The following CLUAP1 variants were observed in gnomAD, a reference collection of about 807,000 sequenced individuals.
CLUAP1 encodes clusterin-associated protein 1.
In CLUAP1, 50 loss-of-function variants were observed where a neutral mutation model predicts 55.0. That is an observed-to-expected ratio of 0.91 (90% CI 0.72 to 1.15). The LOEUF (loss-of-function observed/expected upper bound fraction) is 1.15. Ranked by LOEUF, CLUAP1 falls within the 50% of genes most tolerant of loss-of-function variation. The pLI is 0.00. For missense variants in CLUAP1, 530 were observed against 507.6 expected, an observed-to-expected ratio of 1.04 and a Z score of -0.42; for synonymous variants, 195 against 175.4, an observed-to-expected ratio of 1.11 and a Z score of -0.88.
chr16:3,521,660 C>T (rs1198435981), intron 7 of CLUAP1, among the ~76,000 whole-genome samples: 2 of 151,994 alleles, frequency 1.3e-5, no homozygotes, highest in Non-Finnish European at 2.9e-5. Context: ...GTCTTGAACT[C>T]CTGACCTTGT....
intron 9 of CLUAP1, among the ~76,000 whole-genome samples, chr16:3,527,650 G>A (rs530691608): frequency 7.9e-5 from 12 of 152,046 alleles, no homozygotes; most frequent in Admixed American, 1.3e-4. Context: ...ACCATCTCCC[G>A]GTGATACTGT....
upstream of CLUAP1, chr16:3,496,361 A>G (rs562119264): frequency 7.1e-5 from 84 of 1,183,564 alleles, no homozygotes; most frequent in African/African-American, 1.2e-3. Flanking sequence ...GAGGTTGTTT[A>G]TGAGTCGCAC....
rs528025895 is a variant in CLUAP1, at chr16:3,523,596, C to A, written c.855+297C>A. ...ACCCTGTGCCGACATGGGGCCTGTG[C>A]TTGCTTTCAGGCCCTGTTGTCACTG... is the stretch of plus-strand genomic sequence containing the variant. On this transcript the variant is annotated intron_variant, in intron 8 of 11. Transcript: ENST00000576634. Among the ~76,000 whole-genome samples, 14 of 152,322 alleles carry A rather than the reference C, an allele frequency of 9.2e-5. 1 individual carries two copies. The South Asian group carries it at 2.5e-3, about 27-fold the overall frequency.
intron 4 of CLUAP1, among the ~76,000 whole-genome samples, chr16:3,510,154 C>T (rs985743014): frequency 6.6e-6 from 1 of 152,180 alleles, no homozygotes; most frequent in Admixed American, 6.5e-5. Context: ...GCCACCACAC[C>T]CAGCTAATTT....
Position 3,512,380 on chromosome 16 carries a change from C to G in CLUAP1, c.400-3C>G, listed in dbSNP as rs75800384. ...GTTTCTGTTTTTGTTATTTTCCTTC[C>G]AGATTGCAGATTTGAAGGCAGCCAG... is the stretch of plus-strand genomic sequence containing the variant. On this transcript the variant is annotated splice_polypyrimidine_tract_variant and splice_region_variant and intron_variant, in intron 4 of 11. Coordinates refer to ENST00000576634, the MANE Select transcript of CLUAP1 (RefSeq NM_015041.3). 6 of 1,611,742 alleles carry G rather than the reference C, an allele frequency of 3.7e-6. No individual in the cohort carries two copies. The South Asian group carries it at 4.4e-5, about 12-fold the overall frequency.
intron 7 of CLUAP1, among the ~76,000 whole-genome samples, chr16:3,521,826 G>A (rs112642253): frequency 1.1e-4 from 17 of 152,068 alleles, no homozygotes; most frequent in African/African-American, 3.4e-4. Flanking sequence ...AGGCCAAGGC[G>A]GGCAGATCGC....
rs1337647223 is a variant in CLUAP1 at position 3,529,599 on chromosome 16, A to AT, written c.929-968dup. Among the ~76,000 whole-genome samples the AT allele has an allele frequency of 2.2e-3, 87 of 39,278 alleles. 4 individuals are homozygous for AT. Among genetic ancestry groups the AT allele is most frequent in the African/African-American group, 0.01 (79 of 7,592 alleles). The allele number at this position is 39,278 out of a possible 152,430, so 25.8% of individuals were successfully genotyped here. ...ATTATATAATATTATATATTATTAT[A>AT]TATTATATATTATATAATATTATAT... On this transcript the variant is annotated intron_variant, in intron 9 of 11. Coordinates refer to ENST00000576634, the MANE Select transcript of CLUAP1 (RefSeq NM_015041.3).
Position 3,527,372 on chromosome 16 carries a change from CAA to C in CLUAP1, c.928+889_928+890del, listed in dbSNP as rs373419078. Among the ~76,000 whole-genome samples, 934 of 152,206 alleles carry C rather than the reference CAA, an allele frequency of 6.1e-3. 9 individuals are homozygous for C. Among genetic ancestry groups the C allele is most frequent in the African/African-American group, 0.02 (850 of 41,518 alleles). On this transcript the variant is annotated intron_variant, in intron 9 of 11. Transcript: ENST00000576634. ...GACATGGTGAGAAGTGACCAGAAGA[CAA>C]GAGTGCAAACCTTCTGTTATGCCCA...
In CLUAP1 at chr16:3,501,051, C is replaced by T. The variant is rs371966920; in HGVS notation, c.-17C>T. 2.0e-4 allele frequency: 317 copies of T among 1,599,250 alleles called. 6 individuals are homozygous for T. In the South Asian group the frequency reaches 3.3e-3, roughly 17 times the overall value. On this transcript the variant is annotated 5_prime_UTR_variant, in exon 1 of 12. Transcript: ENST00000576634. ...GGCGAGCAGTTGCGACCCTGGGCTCCTGGGGACCTGAGCGTTATGTCTTTC... is the reference window on the plus strand; with the variant it reads ...GGCGAGCAGTTGCGACCCTGGGCTCTTGGGGACCTGAGCGTTATGTCTTTC...
At chr16:3,531,965 A>G (rs970040162) in intron 10 of CLUAP1, among the ~76,000 whole-genome samples, 3 of 151,940 alleles carry the variant, frequency 2.0e-5, no homozygotes, top group East Asian at 3.9e-4. Context: ...TGCAATCCCA[A>G]GTAGCTGGGG....
chr16:3,517,260 C>T lies in CLUAP1; in HGVS notation c.579+1669C>T, dbSNP rs146984633. 1.2e-3 allele frequency among the ~76,000 whole-genome samples: 186 copies of T among 151,886 alleles called. 3 individuals are homozygous for T. In the East Asian group the frequency reaches 0.034, roughly 28 times the overall value. ...CTGAGTAGCTGGGATTACTGGCGCACACCACTACACCCAGCTAATTATTGT... is the reference window on the plus strand; with the variant it reads ...CTGAGTAGCTGGGATTACTGGCGCATACCACTACACCCAGCTAATTATTGT... On this transcript the variant is annotated intron_variant, in intron 6 of 11. Transcript: ENST00000576634.
At chr16:3,502,826 A>G (rs1236172091) in intron 1 of CLUAP1, among the ~76,000 whole-genome samples, 2 of 152,232 alleles carry the variant, frequency 1.3e-5, no homozygotes, top group African/African-American at 4.8e-5. Flanking sequence ...TTGATCTTAA[A>G]TTAATGCTCT....
intron 6 of CLUAP1, among the ~76,000 whole-genome samples, chr16:3,518,239 C>A (rs562216334): frequency 1.3e-5 from 2 of 152,322 alleles, no homozygotes; most frequent in East Asian, 3.9e-4. Context: ...TATTATACCT[C>A]TTATCCTTGC....
intron 7 of CLUAP1, among the ~76,000 whole-genome samples, chr16:3,522,427 G>T (rs1454363741): frequency 6.6e-6 from 1 of 152,222 alleles, no homozygotes. Flanking sequence ...GTCTCCCAAA[G>T]TGCTGGGATT....
At chr16:3,524,307 GAAAA>G (rs1019523880) in intron 8 of CLUAP1, among the ~76,000 whole-genome samples, 1 of 127,218 alleles carries the variant, frequency 7.9e-6, no homozygotes, top group East Asian at 2.3e-4. Flanking sequence ...GTCTCAAAAA[GAAAA>G]AAAAAAAGGG....
chr16:3,495,504 C>T, the CLUAP1 span: 7 of 1,560,008 alleles, frequency 4.5e-6, no homozygotes, highest in Non-Finnish European at 6.1e-6. Flanking sequence ...GGTACATTGG[C>T]AGGTCTCCCC....
chr16:3,504,351 A>T (rs547435813), intron 1 of CLUAP1, among the ~76,000 whole-genome samples: 1 of 152,360 alleles, frequency 6.6e-6, no homozygotes, highest in East Asian at 1.9e-4. Flanking sequence ...AATTTGAGTC[A>T]AACCACTGTT....
intron 3 of CLUAP1, among the ~76,000 whole-genome samples, chr16:3,506,967 T>TGG (rs886836655): frequency 9.2e-5 from 14 of 151,954 alleles, no homozygotes; most frequent in African/African-American, 3.1e-4. Flanking sequence ...AAGGCCGAGG[T>TGG]GGGCGGATCA....
chr16:3,503,087 GC>G (rs1387595240), intron 1 of CLUAP1, among the ~76,000 whole-genome samples: 1 of 151,558 alleles, frequency 6.6e-6, no homozygotes, highest in East Asian at 1.9e-4. Context: ...CAATTCTCCT[GC>G]CCCAGCCTCC....
Sources: gnomAD v4.1 joint callset for allele counts (sites outside exome capture counted in the v4.1 genomes callset) on GRCh38, gnomAD v4.1.1 for gene constraint, MANE v1.5 for transcripts, NCBI Gene and HGNC (gene_info 2026-07-23, HGNC 2026-07-21) for gene names.